Variants in CAMK2A observed in about 807,000 individuals in gnomAD.
The protein encoded by CAMK2A is calcium/calmodulin-dependent protein kinase type II subunit alpha.
CAMK2A carries 7 observed loss-of-function variants against 79.2 expected under a neutral mutation model. The ratio of observed to expected loss-of-function variants is 0.09; its 90% CI spans 0.05 to 0.17. The LOEUF (loss-of-function observed/expected upper bound fraction) is 0.17, where lower values mean the gene tolerates loss of function less well. Among genes scored for constraint, CAMK2A ranks in the 10% least tolerant of loss-of-function variants. The pLI is 1.00. For synonymous variants in CAMK2A, 242 were observed against 251.7 expected, an observed-to-expected ratio of 0.96 and a Z score of 0.36; for missense variants, 214 against 646.4, an observed-to-expected ratio of 0.33 and a Z score of 7.25.
chr5:150,243,355 C>A (rs1026456212), intron 13 of CAMK2A, among the ~76,000 whole-genome samples: 4 of 152,164 alleles, frequency 2.6e-5, no homozygotes, highest in Non-Finnish European at 5.9e-5. Context: ...CGCCCAGCAC[C>A]CCTAGCTCAG....
intron 11 of CAMK2A, among the ~76,000 whole-genome samples, chr5:150,249,732 G>C (rs548588895): frequency 1.2e-3 from 186 of 152,216 alleles, no homozygotes; most frequent in Non-Finnish European, 2.4e-3. Flanking sequence ...ATTTTTGGTA[G>C]AGACAGGGTT....
intron 2 of CAMK2A, among the ~76,000 whole-genome samples, chr5:150,271,412 A>G (rs1251208420): frequency 6.6e-6 from 1 of 152,226 alleles, no homozygotes; most frequent in Non-Finnish European, 1.5e-5. Context: ...GCCAGAGAAG[A>G]AAGGCAGCAA....
At chr5:150,272,380 C>G (rs1756782652) in intron 2 of CAMK2A, among the ~76,000 whole-genome samples, 1 of 152,122 alleles carries the variant, frequency 6.6e-6, no homozygotes, top group Non-Finnish European at 1.5e-5. Flanking sequence ...GCCTGGCCAA[C>G]ATGGTGAAAC....
intron 3 of CAMK2A, among the ~76,000 whole-genome samples, chr5:150,259,209 T>A (rs1001651853): frequency 6.7e-6 from 1 of 149,840 alleles, no homozygotes; most frequent in African/African-American, 2.5e-5. Flanking sequence ...TAAAATAAGA[T>A]AAAATAAAAT....
At chr5:150,264,916 G>C (rs1032999943) in intron 3 of CAMK2A, 40 bp downstream of exon 3, 2 of 1,566,852 alleles carry the variant, frequency 1.3e-6, no homozygotes, top group Non-Finnish European at 1.8e-6. Context: ...GGGGAGCAGG[G>C]CCTGGCTCCC....
At chr5:150,288,605 C>T (rs893004917) in intron 1 of CAMK2A, among the ~76,000 whole-genome samples, 3 of 152,186 alleles carry the variant, frequency 2.0e-5, no homozygotes, top group South Asian at 2.1e-4. Flanking sequence ...AGGGCCCCTC[C>T]CCCCGTGCTC....
chr5:150,221,644 T>C lies in CAMK2A; in HGVS notation c.*1066A>G. ...TCCACAGTCCCAAAAGGAACGCCTG[T>C]GTCAGCTCACCTTGGGACCGAAATG... On this transcript the variant is annotated 3_prime_UTR_variant, in exon 19 of 19. Coordinates refer to ENST00000671881, the MANE Select transcript of CAMK2A (RefSeq NM_015981.4). 2.5e-6 allele frequency: 1 copy of C among 398,318 alleles called. No individual in the cohort carries two copies. Among genetic ancestry groups the C allele is most frequent in the Non-Finnish European group, 4.4e-6 (1 of 225,980 alleles). 24.7% of individuals were successfully genotyped at this position (398,318 alleles called of 1,614,324 possible).
At position 150,251,995 on chromosome 5, in the gene CAMK2A, G is replaced by A. The variant is rs1755858944; in HGVS notation, c.585C>T (p.Asp195=). The A allele has an allele frequency of 6.2e-7, 1 of 1,613,860 alleles. No homozygotes were observed. The highest frequency in any genetic ancestry group is 8.5e-7 in the Non-Finnish European group (1 of 1,179,784). Residue 195 remains aspartate, a synonymous_variant, in exon 8 of 19, where the codon GAC becomes GAT. Coordinates refer to ENST00000671881, the MANE Select transcript of CAMK2A (RefSeq NM_015981.4). ...LRKDPYGKPV[D]LWACGVILYI... Reference sequence around the variant, plus strand: ...GGATGAACTCACCACAAGCCCACAGGTCCACAGGCTTCCCGTACGGGTCCT... The same window carrying A: ...GGATGAACTCACCACAAGCCCACAGATCCACAGGCTTCCCGTACGGGTCCT...
intron 1 of CAMK2A, among the ~76,000 whole-genome samples, chr5:150,286,039 G>A (rs1203438406): frequency 1.3e-5 from 2 of 152,196 alleles, no homozygotes; most frequent in Non-Finnish European, 2.9e-5. Flanking sequence ...GGAGAAGGCT[G>A]GGTATGCTGG....
At chr5:150,253,064 T>A (rs1755900101) in intron 7 of CAMK2A, among the ~76,000 whole-genome samples, 1 of 152,250 alleles carries the variant, frequency 6.6e-6, no homozygotes, top group African/African-American at 2.4e-5. Flanking sequence ...TGCCAGTTTT[T>A]TCCTCATCTA....
At chr5:150,279,148 C>T (rs2228706) in intron 1 of CAMK2A, among the ~76,000 whole-genome samples, 53,830 of 152,058 alleles carry the variant, frequency 0.35, 11,292 homozygotes, top group African/African-American at 0.58. Flanking sequence ...TGATGATGCA[C>T]ACACCCTGAG....
chr5:150,233,797 TTTTG>T (rs1373548606), intron 15 of CAMK2A, among the ~76,000 whole-genome samples: 6 of 151,978 alleles, frequency 3.9e-5, no homozygotes, highest in African/African-American at 1.4e-4. Flanking sequence ...TTGTTTGTGT[TTTTG>T]TTTGTTTGTT....
At chr5:150,237,873 T>C (rs1562146183) in intron 15 of CAMK2A, among the ~76,000 whole-genome samples, 1 of 152,206 alleles carries the variant, frequency 6.6e-6, no homozygotes, top group Non-Finnish European at 1.5e-5. Flanking sequence ...CCTGATGCTT[T>C]GCTTCCCCCA....
At chr5:150,254,426 G>A (rs1303791785) in intron 6 of CAMK2A, among the ~76,000 whole-genome samples, 1 of 152,198 alleles carries the variant, frequency 6.6e-6, no homozygotes, top group Non-Finnish European at 1.5e-5. Flanking sequence ...TAAGTGACTT[G>A]GCCAAGATCA....
chr5:150,277,427 G>A (rs1036055530), intron 1 of CAMK2A, among the ~76,000 whole-genome samples: 4 of 152,230 alleles, frequency 2.6e-5, no homozygotes, highest in African/African-American at 9.6e-5. Context: ...AGCGAGGGGG[G>A]CTCTGCACAG....
intron 15 of CAMK2A, among the ~76,000 whole-genome samples, chr5:150,231,614 A>C (rs1349915635): frequency 1.0e-3 from 22 of 21,840 alleles, no homozygotes; most frequent in Non-Finnish European, 7.5e-3. Flanking sequence ...CCAGAAAGGC[A>C]AAAAAAAAAA....
intron 16 of CAMK2A, among the ~76,000 whole-genome samples, chr5:150,230,858 C>A (rs928491648): frequency 2.6e-5 from 4 of 152,210 alleles, no homozygotes; most frequent in African/African-American, 9.6e-5. Context: ...CCCTGTGGAT[C>A]CTGCTTGCTC....
chr5:150,263,444 ACACT>A (rs1354478130), intron 3 of CAMK2A, among the ~76,000 whole-genome samples: 1 of 151,790 alleles, frequency 6.6e-6, no homozygotes. Context: ...ACACATTCAC[ACACT>A]CACACACGTG....
At chr5:150,248,613 G>A (rs1005463784) in intron 11 of CAMK2A, among the ~76,000 whole-genome samples, 5 of 151,364 alleles carry the variant, frequency 3.3e-5, no homozygotes, top group African/African-American at 1.2e-4. Flanking sequence ...GCGATAGTTT[G>A]CTGAGAATGA....
Sources: gnomAD v4.1 joint callset for allele counts (sites outside exome capture counted in the v4.1 genomes callset) on GRCh38, gnomAD v4.1.1 for gene constraint, MANE v1.5 for transcripts, NCBI Gene and HGNC (gene_info 2026-07-23, HGNC 2026-07-21) for gene names.